Variants in COL13A1 observed in about 807,000 individuals in gnomAD.
The protein encoded by COL13A1 is collagen type XIII alpha 1 chain.
Under a neutral mutation model 130.9 loss-of-function variants are expected in COL13A1, and 89 were observed. The ratio of observed to expected loss-of-function variants is 0.68; its 90% confidence interval spans 0.57 to 0.81. The LOEUF is 0.81. Among genes scored for constraint, COL13A1 ranks in the 30% least tolerant of loss-of-function variants. The pLI is 0.00. For synonymous variants in COL13A1, 402 were observed against 341.6 expected, an observed-to-expected ratio of 1.18 and a Z score of -1.95; for missense variants, 879 against 934.6, an observed-to-expected ratio of 0.94 and a Z score of 0.78.
intron 7 of COL13A1, among the ~76,000 whole-genome samples, 154 bp downstream of exon 7, chr10:69,880,707 G>A (rs1285226499): frequency 6.6e-6 from 1 of 152,236 alleles, no homozygotes; most frequent in Non-Finnish European, 1.5e-5. Context: ...CAGGCCTCGG[G>A]TGCCGATGTT....
intron 5 of COL13A1, chr10:69,877,697 TCTCACACACACACACACACACA>T (rs2059726968): frequency 2.0e-5 from 2 of 99,850 alleles, no homozygotes; most frequent in Admixed American, 1.5e-4. Context: ...TCTCTCTCTC[TCTCACACACACACACACACACA>T]CACACACACA....
rs183240368 is a variant in COL13A1 at position 69,910,847 on chromosome 10, G to A, written c.921+5025G>A. On this transcript the variant is annotated intron_variant, in intron 17 of 40. Transcript: ENST00000645393. ...TGGTGAGAGCTTATCTTTTAAGTAC[G>A]CAGAACTGGTCTGTCTGTCTCACTT... 2.1e-3 allele frequency among the ~76,000 whole-genome samples: 316 copies of A among 152,306 alleles called. 5 individuals are homozygous for A. Among genetic ancestry groups the A allele is most frequent in the East Asian group, 1.4e-3 (7 of 5,172 alleles).
At chr10:69,934,650 T>C (rs2066593695) in intron 31 of COL13A1, among the ~76,000 whole-genome samples, 1 of 152,206 alleles carries the variant, frequency 6.6e-6, no homozygotes, top group Admixed American at 6.5e-5. Context: ...GAAGCTGCAA[T>C]GGGCACCACC....
In COL13A1 at chr10:69,867,781, TTCTC is replaced by T. The variant is rs1455321024; in HGVS notation, c.365-9_365-6del. Reference sequence around the variant, plus strand: ...CAGCAATGACACTGACCCAGGCATTTTCTCTCTCTCTTTCAGGACCTCCTGTAAG... The same window carrying T: ...CAGCAATGACACTGACCCAGGCATTTTCTCTCTTTCAGGACCTCCTGTAAG... On this transcript the variant is annotated splice_polypyrimidine_tract_variant and intron_variant, in intron 2 of 40. Coordinates refer to ENST00000645393, the MANE Select transcript of COL13A1 (RefSeq NM_001368882.1). 5.6e-6 allele frequency: 4 copies of T among 718,300 alleles called. No individual in the cohort carries two copies. Among genetic ancestry groups the T allele is most frequent in the Admixed American group, 4.0e-5 (2 of 49,984 alleles). 44.5% of individuals were successfully genotyped at this position (718,300 alleles called of 1,614,324 possible).
intron 39 of COL13A1, 124 bp downstream of exon 39, chr10:69,953,092 C>A (rs2136337697): frequency 1.6e-6 from 1 of 637,494 alleles, no homozygotes; most frequent in South Asian, 4.0e-5. Context: ...ACCAAAATCT[C>A]TCTGTTCATT....
chr10:69,855,713 C>A (rs773295454), intron 2 of COL13A1, among the ~76,000 whole-genome samples: 82 of 147,378 alleles, frequency 5.6e-4, no homozygotes, highest in Non-Finnish European at 9.7e-4. Context: ...ACTCACCTGG[C>A]ATCCTGGGGC....
At chr10:69,947,067 C>T (rs1187468807) in intron 37 of COL13A1, among the ~76,000 whole-genome samples, 1 of 152,172 alleles carries the variant, frequency 6.6e-6, no homozygotes, top group Admixed American at 6.5e-5. Context: ...GGATTACAGG[C>T]GTGAGCCACC....
At chr10:69,848,701 G>T (rs1564836496) in intron 2 of COL13A1, among the ~76,000 whole-genome samples, 2 of 152,196 alleles carry the variant, frequency 1.3e-5, no homozygotes, top group African/African-American at 4.8e-5. Context: ...CTTTCTGGAG[G>T]CAAAGGGACA....
intron 27 of COL13A1, 119 bp downstream of exon 27, chr10:69,927,229 G>T (rs750384467): frequency 2.2e-5 from 33 of 1,488,228 alleles, no homozygotes; most frequent in Non-Finnish European, 2.9e-5. Context: ...TGCAGATTAG[G>T]GTTGACCCAA....
intron 1 of COL13A1, 145 bp from the exon 2 acceptor site, chr10:69,822,224 A>G (rs1846265765): frequency 3.7e-6 from 2 of 536,418 alleles, no homozygotes; most frequent in Non-Finnish European, 6.5e-6. Flanking sequence ...TGGCCAGTGG[A>G]AGGCCATTAA....
intron 30 of COL13A1, 87 bp downstream of exon 30, chr10:69,930,639 G>A (rs2065993484): frequency 7.1e-7 from 1 of 1,416,976 alleles, no homozygotes; most frequent in African/African-American, 1.4e-5. Context: ...TTTGCATGAT[G>A]TGAGCTGCTG....
chr10:69,938,366 C>T (rs571990761), intron 34 of COL13A1, among the ~76,000 whole-genome samples: 4 of 152,158 alleles, frequency 2.6e-5, no homozygotes, highest in African/African-American at 9.6e-5. Flanking sequence ...TACAGGTGAG[C>T]GCATCCCACC....
intron 13 of COL13A1, among the ~76,000 whole-genome samples, chr10:69,897,312 G>C (rs536742840): frequency 6.6e-6 from 1 of 152,188 alleles, no homozygotes; most frequent in East Asian, 1.9e-4. Flanking sequence ...TCGGGGCCTG[G>C]AAGACACCAA....
At position 69,836,246 on chromosome 10, in the gene COL13A1, C is replaced by T. The variant is rs115924590; in HGVS notation, c.364+13808C>T. ...TGGCTGCTGCAGAGACCCAGGGCTC[C>T]GGTGGGGCTAGGCGGTGCCCAGTGT... is the stretch of plus-strand genomic sequence containing the variant. On this transcript the variant is annotated intron_variant, in intron 2 of 40. Coordinates refer to ENST00000645393, the MANE Select transcript of COL13A1 (RefSeq NM_001368882.1). Among the ~76,000 whole-genome samples the T allele has an allele frequency of 4.8e-3, 736 of 152,318 alleles. 3 individuals carry two copies. Among genetic ancestry groups the T allele is most frequent in the African/African-American group, 0.016 (666 of 41,570 alleles).
At chr10:69,886,023 T>G (rs2060566140) in intron 7 of COL13A1, among the ~76,000 whole-genome samples, 1 of 152,158 alleles carries the variant, frequency 6.6e-6, no homozygotes, top group Admixed American at 6.5e-5. Context: ...ACACTTATAT[T>G]CGTGGCTTCA....
chr10:69,860,890 C>A (rs1195304716), intron 2 of COL13A1, among the ~76,000 whole-genome samples: 1 of 152,224 alleles, frequency 6.6e-6, no homozygotes, highest in African/African-American at 2.4e-5. Context: ...AGGCATATAC[C>A]CTTACCCATT....
intron 3 of COL13A1, among the ~76,000 whole-genome samples, chr10:69,871,812 C>T (rs185924094): frequency 7.2e-5 from 11 of 152,336 alleles, no homozygotes; most frequent in African/African-American, 2.2e-4. Context: ...TTAGGATTTG[C>T]TATATGCCAG....
intron 3 of COL13A1, among the ~76,000 whole-genome samples, chr10:69,870,220 C>T (rs2058923343): frequency 6.6e-6 from 1 of 151,966 alleles, no homozygotes; most frequent in Admixed American, 6.6e-5. Flanking sequence ...TTCATTTAAT[C>T]CTAAAAGCAT....
At chr10:69,836,550 A>G (rs888432933) in intron 2 of COL13A1, among the ~76,000 whole-genome samples, 2 of 152,168 alleles carry the variant, frequency 1.3e-5, no homozygotes, top group Admixed American at 6.5e-5. Flanking sequence ...CCAGCTGCTC[A>G]TTCTCTTTCC....
Sources: allele counts gnomAD v4.1 joint callset (sites outside exome capture counted in the v4.1 genomes callset), GRCh38; gene constraint gnomAD v4.1.1; transcripts MANE v1.5; gene names NCBI Gene and HGNC (gene_info 2026-07-23, HGNC 2026-07-21).